OTOP1: variants seen among roughly 807,000 people sequenced by gnomAD.
OTOP1 encodes the protein proton channel OTOP1.
In OTOP1, 59 loss-of-function variants were observed where a neutral mutation model predicts 52.9. That is an observed-to-expected ratio of 1.12 (90% CI 0.91 to 1.39). OTOP1 has a LOEUF of 1.39. Among genes scored for constraint, OTOP1 ranks in the 40% most tolerant of loss-of-function variants. The pLI, the probability that OTOP1 is intolerant of heterozygous loss-of-function variation, is 0.00. For synonymous variants in OTOP1, 317 were observed against 337.7 expected (o/e 0.94, Z 0.67); for missense variants, 761 against 800.9 (o/e 0.95, Z 0.60).
rs1342354959 is a variant in OTOP1, at chr4:4,226,597, T to G, written c.268A>C (p.Ser90Arg). ...GCCGTCAGGAAGCACAGCAGGTCGC[T>G]CTTGCTCACGCCCGCGGCGTGCACG... ...WAVHAAGVSK[S>R]DLLCFLTALM... is the part of the protein sequence containing the mutation. Residue 90 changes from serine (S) to arginine (R), a missense_variant, in exon 1 of 6, where the codon AGC (serine) becomes CGC (arginine). Ser to Arg is a moderately radical substitution (Grantham distance 110). Around this residue, in one of 3 missense-constraint regions of OTOP1, gnomAD observed 56 missense variants for 105.6 expected, o/e 0.53. Transcript: ENST00000296358. 6.2e-7 allele frequency: 1 copy of G among 1,603,078 alleles called. No homozygotes were observed. Among genetic ancestry groups the G allele is most frequent in the East Asian group, 2.3e-5 (1 of 44,230 alleles).
At chr4:4,189,256 C>T (rs1166398332) in intron 5 of OTOP1, among the ~76,000 whole-genome samples, 1 of 152,220 alleles carries the variant, frequency 6.6e-6, no homozygotes, top group Non-Finnish European at 1.5e-5. Flanking sequence ...CTACAGCCCT[C>T]GCCCAGCCTC....
intron 1 of OTOP1, among the ~76,000 whole-genome samples, chr4:4,216,040 C>T (rs1717139843): frequency 6.6e-6 from 1 of 151,986 alleles, no homozygotes; most frequent in African/African-American, 2.4e-5. Context: ...CTCAAGTGGT[C>T]CGCCTGCCTC....
chr4:4,210,492 T>C (rs1297374921), intron 2 of OTOP1, among the ~76,000 whole-genome samples: 4 of 152,184 alleles, frequency 2.6e-5, no homozygotes, highest in African/African-American at 9.7e-5. Context: ...TGTCTTTACA[T>C]GGCTGTCTCT....
chr4:4,203,558 C>T (rs751491986), intron 3 of OTOP1, among the ~76,000 whole-genome samples: 54 of 152,244 alleles, frequency 3.5e-4, no homozygotes, highest in Non-Finnish European at 1.5e-4. Context: ...AGTGGAAGGT[C>T]GACACTGGAC....
At chr4:4,194,487 G>A (rs1420991914) in intron 5 of OTOP1, among the ~76,000 whole-genome samples, 2 of 152,178 alleles carry the variant, frequency 1.3e-5, no homozygotes, top group East Asian at 3.8e-4. Flanking sequence ...CCTCCTCACT[G>A]CCTAGCAAAC....
intron 2 of OTOP1, among the ~76,000 whole-genome samples, chr4:4,206,690 C>A (rs1193677146): frequency 6.6e-6 from 1 of 152,186 alleles, no homozygotes; most frequent in Non-Finnish European, 1.5e-5. Flanking sequence ...TAGTATCAGA[C>A]CTGTGAAAAT....
intron 1 of OTOP1, among the ~76,000 whole-genome samples, chr4:4,216,948 CAG>C (rs1451241345): frequency 6.6e-6 from 1 of 152,190 alleles, no homozygotes; most frequent in Non-Finnish European, 1.5e-5. Context: ...GCTCCGCCTC[CAG>C]AGTTTCTGAT....
chr4:4,209,964 G>A (rs1484786567), intron 2 of OTOP1, among the ~76,000 whole-genome samples: 1 of 151,986 alleles, frequency 6.6e-6, no homozygotes, highest in Non-Finnish European at 1.5e-5. Context: ...AACGGTTCTT[G>A]GACCTTCCCT....
chr4:4,202,401 G>A, intron 4 of OTOP1, 47 bp downstream of exon 4: 1 of 1,609,134 alleles, frequency 6.2e-7, no homozygotes, highest in Non-Finnish European at 8.5e-7. Flanking sequence ...AGGTTTCCAA[G>A]ACATTCCAAC....
chr4:4,196,494 T>C (rs1212228878), intron 5 of OTOP1, among the ~76,000 whole-genome samples: 1 of 151,992 alleles, frequency 6.6e-6, no homozygotes, highest in South Asian at 2.1e-4. Context: ...GAGGCAGAGG[T>C]TGCAGTGAGC....
intron 1 of OTOP1, among the ~76,000 whole-genome samples, chr4:4,224,714 G>A (rs978954032): frequency 1.3e-5 from 2 of 152,184 alleles, no homozygotes; most frequent in African/African-American, 4.8e-5. Context: ...AAAGCAAGAT[G>A]AACTAGATCC....
chr4:4,191,702 C>T (rs1716512487), intron 5 of OTOP1, among the ~76,000 whole-genome samples: 1 of 152,230 alleles, frequency 6.6e-6, no homozygotes, highest in African/African-American at 2.4e-5. Flanking sequence ...CTATTTCCCA[C>T]ATCCTCCTTT....
chr4:4,212,280 C>T (rs1173345782), intron 2 of OTOP1, among the ~76,000 whole-genome samples: 1 of 152,156 alleles, frequency 6.6e-6, no homozygotes, highest in Admixed American at 6.5e-5. Context: ...CAAATCCTTA[C>T]TTCTGAGCCA....
intron 1 of OTOP1, among the ~76,000 whole-genome samples, chr4:4,221,530 G>T (rs1053873070): frequency 4.8e-4 from 73 of 152,268 alleles, no homozygotes; most frequent in African/African-American, 1.6e-3. Context: ...CCAGGCCCCT[G>T]GTTGCAGCCC....
intron 2 of OTOP1, among the ~76,000 whole-genome samples, chr4:4,206,923 T>A (rs1387932847): frequency 1.3e-5 from 2 of 152,364 alleles, no homozygotes; most frequent in African/African-American, 4.8e-5. Flanking sequence ...TCCTCCTATA[T>A]ACCAGGCATT....
At chr4:4,211,871 C>T (rs185194017) in intron 2 of OTOP1, among the ~76,000 whole-genome samples, 12 of 152,164 alleles carry the variant, frequency 7.9e-5, no homozygotes, top group South Asian at 2.1e-4. Context: ...GTTGCAAATA[C>T]GCAAGACGAA....
chr4:4,221,947 T>C (rs970774281), intron 1 of OTOP1, among the ~76,000 whole-genome samples: 5 of 152,136 alleles, frequency 3.3e-5, no homozygotes, highest in South Asian at 2.1e-4. Context: ...TTTCTTTATA[T>C]TGAAGTGCAG....
In OTOP1 at chr4:4,188,769, G is replaced by T. The variant is rs1056700507; in HGVS notation, c.*34C>A. 1.9e-6 allele frequency: 3 copies of T among 1,562,990 alleles called. No individual in the cohort carries two copies. The highest frequency in any genetic ancestry group is 2.6e-6 in the Non-Finnish European group (3 of 1,155,316). On this transcript the variant is annotated 3_prime_UTR_variant, in exon 6 of 6. Coordinates refer to ENST00000296358, the MANE Select transcript of OTOP1 (RefSeq NM_177998.3). ...TCCTAGTTGGCTCCAATGAACTCTT[G>T]TTAGCTCACTCCTAGGTCTCTTGTG...
intron 4 of OTOP1, among the ~76,000 whole-genome samples, chr4:4,201,042 G>A (rs541107159): frequency 6.6e-6 from 1 of 152,264 alleles, no homozygotes; most frequent in East Asian, 1.9e-4. Flanking sequence ...AGATTGTTAG[G>A]ATTCAAATCA....
Sources: allele counts gnomAD v4.1 joint callset (sites outside exome capture counted in the v4.1 genomes callset), GRCh38; gene constraint gnomAD v4.1.1; regional missense constraint gnomAD v4.1.1; transcripts MANE v1.5; gene names NCBI Gene and HGNC (gene_info 2026-07-23, HGNC 2026-07-21).